The following OLAH variants were observed in gnomAD, a reference collection of about 807,000 sequenced individuals.
The protein encoded by OLAH is S-acyl fatty acid synthase thioesterase, medium chain.
In OLAH, 33 loss-of-function variants were observed where a neutral mutation model predicts 27.8. The observed-to-expected ratio is 1.19, with a 90% CI of 0.90 to 1.59. The LOEUF is 1.59. Among genes scored for constraint, OLAH ranks in the 40% most tolerant of loss-of-function variants. The probability of loss-of-function intolerance (pLI) is 0.00; values close to 1 mark genes in which losing one functional copy is unlikely to be tolerated. For synonymous variants in OLAH, 120 were observed against 102.9 expected (o/e 1.17, Z -1.01); for missense variants, 359 against 310.8 (o/e 1.16, Z -1.17).
At position 15,056,872 on chromosome 10, in the gene OLAH, C is replaced by G. The variant is rs537617237; in HGVS notation, c.164-4852C>G. ...AAGGCTGGTCTCAAACTCCGGCGCT[C>G]AAGTGATCCTCCTGCTTCAGCCTAC... On this transcript the variant is annotated intron_variant, in intron 3 of 7. Coordinates refer to ENST00000378228, the MANE Select transcript of OLAH (RefSeq NM_001039702.3). 6 of 1,531,406 alleles carry G rather than the reference C, an allele frequency of 3.9e-6. 1 individual carries two copies. The South Asian group carries it at 6.1e-5, about 16-fold the overall frequency. 94.9% of individuals were successfully genotyped at this position (1,531,406 alleles called of 1,614,324 possible). A position where few individuals can be genotyped will look rare whatever the true frequency, so the allele number is the denominator to read the frequency against.
intron 7 of OLAH, among the ~76,000 whole-genome samples, chr10:15,072,341 A>C (rs776576333): frequency 9.9e-5 from 15 of 152,184 alleles, no homozygotes; most frequent in Non-Finnish European, 1.6e-4. Flanking sequence ...ATGAGTAAAA[A>C]ATTAGTTGAA....
At chr10:15,042,088 A>C (rs1422938203), upstream of OLAH, among the ~76,000 whole-genome samples, 1 of 152,062 alleles carries the variant, frequency 6.6e-6, no homozygotes, top group African/African-American at 2.4e-5. Context: ...GAGTTTGAGG[A>C]GAGTATGCAC....
intron 1 of OLAH, among the ~76,000 whole-genome samples, chr10:15,035,837 G>A (rs919265758): frequency 9.2e-5 from 14 of 152,220 alleles, no homozygotes; most frequent in African/African-American, 2.9e-4. Flanking sequence ...ATCACAGAGC[G>A]TCAAACAAAA....
At chr10:15,050,732 A>G (rs938555353) in intron 3 of OLAH, among the ~76,000 whole-genome samples, 5 of 151,432 alleles carry the variant, frequency 3.3e-5, no homozygotes, top group East Asian at 3.9e-4. Flanking sequence ...TAGTAGAGAC[A>G]GGGTTTCACT....
chr10:15,055,335 T>G (rs775802047), intron 3 of OLAH, among the ~76,000 whole-genome samples: 1 of 152,186 alleles, frequency 6.6e-6, no homozygotes, highest in Non-Finnish European at 1.5e-5. Context: ...ACCACCTCGT[T>G]TGTGTGGGTG....
intron 3 of OLAH, chr10:15,056,783 A>G: frequency 7.0e-7 from 1 of 1,420,618 alleles, no homozygotes; most frequent in Non-Finnish European, 9.2e-7. Context: ...GGCATACACC[A>G]CTATGCTCGG....
At position 15,070,383 on chromosome 10, in the gene OLAH, G is replaced by A. The variant is rs536150032; in HGVS notation, c.573-1412G>A. Among the ~76,000 whole-genome samples the A allele has an allele frequency of 3.3e-5, 5 of 152,200 alleles. 1 individual carries two copies. In the South Asian group the frequency reaches 1.0e-3, roughly 32 times the overall value. On this transcript the variant is annotated intron_variant, in intron 6 of 7. Coordinates refer to ENST00000378228, the MANE Select transcript of OLAH (RefSeq NM_001039702.3). ...TTTGGTGACTTCCTTTCACTCTTAG[G>A]ACAACCAACTAGACTTATACCTGCA...
intron 1 of OLAH, among the ~76,000 whole-genome samples, chr10:15,045,860 G>C (rs1354048478): frequency 6.6e-6 from 1 of 150,776 alleles, no homozygotes; most frequent in Non-Finnish European, 1.5e-5. Context: ...TGAAACCCCC[G>C]TCTCTACTAA....
chr10:15,056,101 C>T (rs1372709084), intron 3 of OLAH, among the ~76,000 whole-genome samples: 1 of 152,174 alleles, frequency 6.6e-6, no homozygotes, highest in Admixed American at 6.6e-5. Context: ...CCACCTGCCT[C>T]AGCTTCCCAA....
intron 1 of OLAH, among the ~76,000 whole-genome samples, chr10:15,045,721 A>T (rs1306421499): frequency 6.6e-6 from 1 of 152,174 alleles, no homozygotes; most frequent in Admixed American, 6.5e-5. Flanking sequence ...GAGCTTGACA[A>T]GTTAACCGTG....
At chr10:15,042,245 C>T (rs537069390), upstream of OLAH, among the ~76,000 whole-genome samples, 16 of 151,826 alleles carry the variant, frequency 1.1e-4, no homozygotes, top group South Asian at 3.1e-3. Flanking sequence ...TTCACCTCCC[C>T]GGTTCAAGCG....
chr10:15,044,382 T>C (rs1843975338), intron 1 of OLAH, among the ~76,000 whole-genome samples: 1 of 152,180 alleles, frequency 6.6e-6, no homozygotes, highest in East Asian at 1.9e-4. Flanking sequence ...GTAAGGAACT[T>C]TGTTTGCCTG....
intron 2 of OLAH, among the ~76,000 whole-genome samples, chr10:15,048,223 G>C (rs1263200068): frequency 6.6e-6 from 1 of 152,024 alleles, no homozygotes; most frequent in Non-Finnish European, 1.5e-5. Context: ...AGATTTGTTT[G>C]TTTGCTTGTT....
intron 6 of OLAH, among the ~76,000 whole-genome samples, chr10:15,070,093 G>A (rs1844553153): frequency 6.6e-6 from 1 of 151,568 alleles, no homozygotes; most frequent in African/African-American, 2.4e-5. Flanking sequence ...AACTTGCCTT[G>A]CAAACACAGC....
chr10:15,050,248 T>A (rs973386433), intron 3 of OLAH, among the ~76,000 whole-genome samples: 4 of 152,172 alleles, frequency 2.6e-5, no homozygotes, highest in Admixed American at 6.6e-5. Flanking sequence ...TGAGACCCCA[T>A]CTCTATAATA....
rs1430636650 is a variant in OLAH, at chr10:15,064,502, T to C, written c.402T>C (p.His134=). 2 of 1,559,058 alleles carry C rather than the reference T, an allele frequency of 1.3e-6. No homozygotes were observed. Among genetic ancestry groups the C allele is most frequent in the Non-Finnish European group, 8.7e-7 (1 of 1,153,002 alleles). Residue 134 remains histidine, a splice_region_variant and synonymous_variant, in exon 5 of 8, where the codon CAT becomes CAC. Coordinates refer to ENST00000378228, the MANE Select transcript of OLAH (RefSeq NM_001039702.3). ...TTTTGTCAAGTGCAACTCCTGTACA[T>C]GTAAGTAATTTAGCTTTTTCCTAGG... is the stretch of plus-strand genomic sequence containing the variant. ...HLFLSSATPV[H]SKAWHRIPKD...
chr10:15,036,477 A>G (rs898224436), intron 1 of OLAH, among the ~76,000 whole-genome samples: 1 of 152,076 alleles, frequency 6.6e-6, no homozygotes, highest in Non-Finnish European at 1.5e-5. Flanking sequence ...AACCTGGGCA[A>G]CAAAAGCGAG....
In OLAH at chr10:15,061,705, T is replaced by C; in HGVS notation, c.164-19T>C. ...CATTCACTGTCTGTGCGTGTTCACT[T>C]GTGTTTCTCCATCTCCAGTGCACTC... On this transcript the variant is annotated intron_variant, in intron 3 of 7. Coordinates refer to ENST00000378228, the MANE Select transcript of OLAH (RefSeq NM_001039702.3). The C allele has an allele frequency of 1.3e-6, 2 of 1,582,708 alleles. No individual in the cohort carries two copies. The highest frequency in any genetic ancestry group is 1.7e-6 in the Non-Finnish European group (2 of 1,166,344).
At position 15,065,740 on chromosome 10, in the gene OLAH, G is replaced by T. The variant is rs770411903; in HGVS notation, c.559G>T (p.Val187Phe). Residue 187 changes from valine (V) to phenylalanine (F), a missense_variant, in exon 6 of 8, where the codon GTT (valine) becomes TTT (phenylalanine). Physicochemically the swap from Val to Phe is conservative, Grantham distance 50. Transcript: ENST00000378228. Reference protein sequence around the residue: ...SPIIRADLNIVRSCTSNVPSK... With the variant: ...SPIIRADLNIFRSCTSNVPSK... ...CATCATAAGGGCAGATCTGAACATT[G>T]TTAGAAGTTGCACGTAAGTAACAGA... is the stretch of plus-strand genomic sequence containing the variant. 10 of 1,591,896 alleles carry T rather than the reference G, an allele frequency of 6.3e-6. No individual in the cohort carries two copies. In the Admixed American group the frequency reaches 1.9e-4, roughly 30 times the overall value.
Sources: gnomAD v4.1 joint callset for allele counts (sites outside exome capture counted in the v4.1 genomes callset) on GRCh38, gnomAD v4.1.1 for gene constraint, MANE v1.5 for transcripts, NCBI Gene and HGNC (gene_info 2026-07-23, HGNC 2026-07-21) for gene names.